Variants in KCNB2 observed in about 807,000 individuals in gnomAD.
KCNB2 encodes the protein delayed rectifier potassium channel protein.
In KCNB2, 15 loss-of-function variants were observed where a neutral mutation model predicts 61.5. The observed-to-expected ratio is 0.24, with a 90% CI of 0.16 to 0.38. KCNB2 has a LOEUF of 0.38. Among genes scored for constraint, KCNB2 ranks in the 10% least tolerant of loss-of-function variants. KCNB2 has a pLI of 1.00. For synonymous variants in KCNB2, 457 were observed against 446.0 expected, an observed-to-expected ratio of 1.02 and a Z score of -0.31; for missense variants, 828 against 1,125.2, an observed-to-expected ratio of 0.74 and a Z score of 3.78.
rs545123393 is a variant in KCNB2, at chr8:72,622,038, A to T, written c.579+53725A>T. 1.8e-4 allele frequency among the ~76,000 whole-genome samples: 28 copies of T among 152,318 alleles called. 2 individuals carry two copies. In the South Asian group the frequency reaches 3.7e-3, roughly 20 times the overall value. On this transcript the variant is annotated intron_variant, in intron 2 of 2. Coordinates refer to ENST00000523207, the MANE Select transcript of KCNB2 (RefSeq NM_004770.3). ...TTTGTATTATCTATAATCAATTTTT[A>T]AAAAATCGTTTTGTCAATTAGTGTA...
chr8:72,936,819 G>A lies in KCNB2; in HGVS notation c.1464G>A (p.Ser488=), dbSNP rs201431676. Residue 488 remains serine, a synonymous_variant, in exon 3 of 3, where the codon TCG becomes TCA. Transcript: ENST00000523207. The surrounding 1 kb of genome is among the most constrained non-coding windows in gnomAD (Gnocchi z 5.6). ...TKDSADDNHL[S]PSRWKWARKA... is the part of the protein sequence containing the mutation. Reference sequence around the variant, plus strand: ...ACTCCGCCGACGATAATCACCTGTCGCCAAGCCGGTGGAAGTGGGCCAGGA... The same window carrying A: ...ACTCCGCCGACGATAATCACCTGTCACCAAGCCGGTGGAAGTGGGCCAGGA... 5.6e-6 allele frequency: 9 copies of A among 1,614,078 alleles called. No individual in the cohort carries two copies. Among genetic ancestry groups the A allele is most frequent in the African/African-American group, 2.7e-5 (2 of 75,026 alleles).
chr8:72,850,662 T>A (rs10090042), intron 2 of KCNB2, among the ~76,000 whole-genome samples: 129,804 of 152,186 alleles, frequency 0.85, 56,327 homozygotes, highest in Middle Eastern at 0.97. Context: ...TCTCCACACA[T>A]TCCTATAAAT....
intron 2 of KCNB2, among the ~76,000 whole-genome samples, chr8:72,771,595 G>C (rs1284882099): frequency 6.6e-6 from 1 of 152,010 alleles, no homozygotes; most frequent in Non-Finnish European, 1.5e-5. Flanking sequence ...GTTTGAGAAG[G>C]GGAATTTTAG....
intron 2 of KCNB2, among the ~76,000 whole-genome samples, chr8:72,763,460 G>A (rs1311958401): frequency 2.0e-5 from 3 of 152,120 alleles, no homozygotes; most frequent in Non-Finnish European, 4.4e-5. Flanking sequence ...GATGGGCATC[G>A]GACAGATGCT....
intron 2 of KCNB2, among the ~76,000 whole-genome samples, chr8:72,728,602 T>C (rs535837631): frequency 2.3e-4 from 35 of 152,314 alleles, no homozygotes; most frequent in Admixed American, 2.2e-3. Flanking sequence ...ATCTATGATA[T>C]AATATATAAT....
chr8:72,883,046 T>G (rs1313755715), intron 2 of KCNB2, among the ~76,000 whole-genome samples: 1 of 152,136 alleles, frequency 6.6e-6, no homozygotes. Context: ...TTATTTACCC[T>G]CCTGGTCCCA....
intron 2 of KCNB2, among the ~76,000 whole-genome samples, chr8:72,606,578 A>G (rs967578314): frequency 6.6e-6 from 1 of 152,188 alleles, no homozygotes; most frequent in Non-Finnish European, 1.5e-5. Context: ...GAGGCATTAG[A>G]GAGAGGTCCT....
At chr8:72,624,884 G>A (rs79227456) in intron 2 of KCNB2, among the ~76,000 whole-genome samples, 9 of 152,206 alleles carry the variant, frequency 5.9e-5, no homozygotes, top group Admixed American at 3.3e-4. Context: ...TGGGCTGCCC[G>A]TGTTGGGAGC....
intron 2 of KCNB2, among the ~76,000 whole-genome samples, chr8:72,903,657 T>C (rs1806123929): frequency 6.6e-6 from 1 of 152,178 alleles, no homozygotes. Flanking sequence ...AGGTTCAAGC[T>C]GTTGGAAATA....
intron 2 of KCNB2, among the ~76,000 whole-genome samples, chr8:72,710,080 C>A (rs577016570): frequency 3.6e-4 from 55 of 152,152 alleles, no homozygotes; most frequent in Non-Finnish European, 7.3e-4. Context: ...AACCACTCCC[C>A]ATCATCCATC....
At chr8:72,740,663 C>T (rs1294621116) in intron 2 of KCNB2, among the ~76,000 whole-genome samples, 1 of 152,152 alleles carries the variant, frequency 6.6e-6, no homozygotes, top group Non-Finnish European at 1.5e-5. Flanking sequence ...AATGTGCTTC[C>T]AGCCCTGAAC....
At chr8:72,635,094 T>A (rs1364251647) in intron 2 of KCNB2, among the ~76,000 whole-genome samples, 1 of 152,180 alleles carries the variant, frequency 6.6e-6, no homozygotes, top group Admixed American at 6.5e-5. Flanking sequence ...GAAGAGCTAA[T>A]TCCTCAGTAA....
chr8:72,821,659 A>AAACAC (rs1554535735), intron 2 of KCNB2, among the ~76,000 whole-genome samples: 7 of 117,002 alleles, frequency 6.0e-5, no homozygotes, highest in Non-Finnish European at 1.2e-4. Flanking sequence ...AAAAAAAAAA[A>AAACAC]ACACACACAC....
At chr8:72,707,448 T>C (rs1807247352) in intron 2 of KCNB2, among the ~76,000 whole-genome samples, 1 of 152,188 alleles carries the variant, frequency 6.6e-6, no homozygotes, top group Non-Finnish European at 1.5e-5. Context: ...TTTGTTTGGT[T>C]GGGTTCCTTG....
chr8:72,893,424 T>G (rs1333240878), intron 2 of KCNB2, among the ~76,000 whole-genome samples: 2 of 152,196 alleles, frequency 1.3e-5, no homozygotes. Flanking sequence ...TTCTGGGACT[T>G]CTACCTATTT....
At chr8:72,826,494 G>T (rs1367471457) in intron 2 of KCNB2, among the ~76,000 whole-genome samples, 1 of 152,214 alleles carries the variant, frequency 6.6e-6, no homozygotes, top group Non-Finnish European at 1.5e-5. Context: ...TATGACAGGG[G>T]TTGTGGACAG....
At position 72,544,446 on chromosome 8, in the gene KCNB2, T is replaced by C. The variant is rs545123912; in HGVS notation, c.-94+6561T>C. Among the ~76,000 whole-genome samples, 3 of 152,330 alleles carry C rather than the reference T, an allele frequency of 2.0e-5. No individual in the cohort carries two copies. In the South Asian group the frequency reaches 6.2e-4, roughly 32 times the overall value. Reference sequence around the variant, plus strand: ...GCAACAATCTCTGAGCTAATGTGAATAGGATCAACTTTAACAGGAGAAAAG... The same window carrying C: ...GCAACAATCTCTGAGCTAATGTGAACAGGATCAACTTTAACAGGAGAAAAG... On this transcript the variant is annotated intron_variant, in intron 1 of 2. Transcript: ENST00000523207.
In KCNB2 at chr8:72,936,959, T is replaced by C; in HGVS notation, c.1604T>C (p.Leu535Pro). ...NNTSSSSPQHLSAQKLEMLYN... is the reference protein window; with the variant it reads ...NNTSSSSPQHPSAQKLEMLYN... Reference sequence around the variant, plus strand: ...ACGTCTTCCTCCAGCCCACAGCATCTGAGTGCCCAGAAACTGGAGATGCTA... The same window carrying C: ...ACGTCTTCCTCCAGCCCACAGCATCCGAGTGCCCAGAAACTGGAGATGCTA... Residue 535 changes from leucine to proline, a missense_variant, in exon 3 of 3, where the codon CTG (leucine) becomes CCG (proline). Physicochemically the swap from Leu to Pro is moderately conservative, Grantham distance 98. This residue lies in a region of KCNB2 where 559 missense variants were observed against 588.4 expected (regional missense o/e 0.95). Coordinates refer to ENST00000523207, the MANE Select transcript of KCNB2 (RefSeq NM_004770.3). This position sits in a 1 kb window ranked among gnomAD's most constrained non-coding sequence, Gnocchi z 5.6. 6.2e-7 allele frequency: 1 copy of C among 1,614,190 alleles called. No homozygotes were observed. The highest frequency in any genetic ancestry group is 8.5e-7 in the Non-Finnish European group (1 of 1,180,026).
chr8:72,669,081 G>C (rs1057413716), intron 2 of KCNB2, among the ~76,000 whole-genome samples: 1 of 152,168 alleles, frequency 6.6e-6, no homozygotes, highest in African/African-American at 2.4e-5. Flanking sequence ...GACCTGGCTG[G>C]TCAGGAAATT....
Sources: gnomAD v4.1 joint callset for allele counts (sites outside exome capture counted in the v4.1 genomes callset) on GRCh38, gnomAD v4.1.1 for gene constraint, gnomAD v4.1.1 regional missense constraint, Gnocchi (gnomAD v3.1) non-coding constraint, MANE v1.5 for transcripts, NCBI Gene and HGNC (gene_info 2026-07-23, HGNC 2026-07-21) for gene names.